TG: variants seen among roughly 807,000 people sequenced by gnomAD.
TG encodes the protein thyroglobulin.
Under a neutral mutation model 324.7 loss-of-function variants are expected in TG, and 270 were observed. That is an observed-to-expected ratio of 0.83 (90% confidence interval 0.75 to 0.92). The LOEUF is 0.92. TG is among the 40% of genes least tolerant of loss of function. The pLI is 0.00. For missense variants in TG, 3,591 were observed against 3,456.4 expected (o/e 1.04, Z -0.98); for synonymous variants, 1,401 against 1,327.0 (o/e 1.06, Z -1.21).
intron 43 of TG, among the ~76,000 whole-genome samples, chr8:133,104,873 C>T (rs1037534505): frequency 3.9e-5 from 6 of 152,192 alleles, no homozygotes; most frequent in African/African-American, 1.4e-4. Context: ...ATTCACAGAG[C>T]ACTTTGCTCA....
intron 35 of TG, chr8:133,002,525 G>A: frequency 1.0e-5 from 7 of 672,198 alleles, no homozygotes; most frequent in Non-Finnish European, 1.3e-5. Context: ...TATTTCTTTG[G>A]GGGAGAGGAC....
At chr8:133,133,188 T>TC (rs1316698697) in intron 46 of TG, among the ~76,000 whole-genome samples, 4 of 152,168 alleles carry the variant, frequency 2.6e-5, no homozygotes, top group African/African-American at 9.7e-5. Flanking sequence ...TCCTGACCAT[T>TC]CACAAAGACA....
chr8:132,961,092 G>A lies in TG; in HGVS notation c.5467+19G>A. 2 of 1,613,744 alleles carry A rather than the reference G, an allele frequency of 1.2e-6. No individual in the cohort carries two copies. Among genetic ancestry groups the A allele is most frequent in the Non-Finnish European group, 1.7e-6 (2 of 1,179,682 alleles). On this transcript the variant is annotated intron_variant, in intron 28 of 47. Transcript: ENST00000220616. ...TGGAAAGGTGAGCTCCGTGGTGGAA[G>A]AGGGGGTTAGCAGGACGCTGATTAC... is the stretch of plus-strand genomic sequence containing the variant.
chr8:133,101,605 G>T (rs1348040082), intron 43 of TG, among the ~76,000 whole-genome samples: 1 of 152,168 alleles, frequency 6.6e-6, no homozygotes, highest in African/African-American at 2.4e-5. Context: ...CACCTAAACA[G>T]GGTGTCCAGC....
chr8:133,088,240 G>T (rs1846922843), intron 41 of TG, among the ~76,000 whole-genome samples: 1 of 150,810 alleles, frequency 6.6e-6, no homozygotes, highest in Non-Finnish European at 1.5e-5. Flanking sequence ...TGATGGAGGA[G>T]CCAGGCTCCC....
At chr8:132,928,344 G>A (rs937686747) in intron 22 of TG, among the ~76,000 whole-genome samples, 2 of 152,304 alleles carry the variant, frequency 1.3e-5, no homozygotes, top group South Asian at 2.1e-4. Context: ...ACAGTTACCC[G>A]TAAGACTGCA....
rs1437201582 is a variant in TG at position 133,096,211 on chromosome 8, G to C, written c.7410G>C (p.Leu2470=). ...NVLNDAQTKL[L]AVSGPFHYWG... Reference sequence around the variant, plus strand: ...TATTGTTGCATCCAATGCAGCTCCTGGCCGTGAGTGGCCCTTTCCACTACT... The same window carrying C: ...TATTGTTGCATCCAATGCAGCTCCTCGCCGTGAGTGGCCCTTTCCACTACT... The change falls in exon 43 of 48, where the codon CTG becomes CTC. Residue 2470 remains leucine, a synonymous_variant. Coordinates refer to ENST00000220616, the MANE Select transcript of TG (RefSeq NM_003235.5). 6.2e-7 allele frequency: 1 copy of C among 1,614,224 alleles called. No homozygotes were observed. Among genetic ancestry groups the C allele is most frequent in the Non-Finnish European group, 8.5e-7 (1 of 1,180,044 alleles).
chr8:132,982,500 T>A (rs1018792795), intron 34 of TG, among the ~76,000 whole-genome samples: 5 of 152,250 alleles, frequency 3.3e-5, no homozygotes, highest in Non-Finnish European at 7.3e-5. Context: ...ATCTTCGTTT[T>A]ATCAATGCTG....
intron 15 of TG, among the ~76,000 whole-genome samples, chr8:132,900,948 A>G (rs1413026649): frequency 6.6e-6 from 1 of 152,094 alleles, no homozygotes; most frequent in African/African-American, 2.4e-5. Flanking sequence ...CACCTGCAAT[A>G]TGTCCGTCTA....
intron 20 of TG, among the ~76,000 whole-genome samples, chr8:132,915,704 A>G (rs1041424892): frequency 2.0e-5 from 3 of 152,234 alleles, no homozygotes; most frequent in Non-Finnish European, 2.9e-5. Flanking sequence ...GGGGAGAAAC[A>G]TATGGCTGTG....
At chr8:132,868,728 G>A (rs573037675) in intron 2 of TG, among the ~76,000 whole-genome samples, 21 of 152,270 alleles carry the variant, frequency 1.4e-4, no homozygotes, top group Non-Finnish European at 2.5e-4. Context: ...TCTCCACATT[G>A]AGCTGCTCTC....
At chr8:133,038,678 CT>C in intron 41 of TG, 1 of 1,614,054 alleles carries the variant, frequency 6.2e-7, no homozygotes, top group Non-Finnish European at 8.5e-7. Context: ...AAGGCCATAG[CT>C]GAAAAGGGAC....
At chr8:132,900,386 G>C in intron 15 of TG, 47 bp downstream of exon 15, 2 of 1,547,374 alleles carry the variant, frequency 1.3e-6, no homozygotes, top group Non-Finnish European at 1.8e-6. Flanking sequence ...CTTCTGTGGG[G>C]CACTGAGCGT....
intron 41 of TG, among the ~76,000 whole-genome samples, chr8:133,053,589 A>G (rs1022202274): frequency 6.6e-6 from 1 of 152,198 alleles, no homozygotes; most frequent in East Asian, 1.9e-4. Context: ...CTCTGTGACA[A>G]TAATAGAACC....
chr8:133,118,956 T>C lies in TG; in HGVS notation c.7862+2240T>C, dbSNP rs188599065. On this transcript the variant is annotated intron_variant, in intron 45 of 47. Coordinates refer to ENST00000220616, the MANE Select transcript of TG (RefSeq NM_003235.5). ...ATGAGAGCCAGAGGGAGAAGTGCTG[T>C]CTACAGAAGAGAGAAGGCAATGTGA... Among the ~76,000 whole-genome samples the C allele has an allele frequency of 3.6e-4, 55 of 152,230 alleles. No homozygotes were observed. The East Asian group carries it at 9.8e-3, about 27-fold the overall frequency.
chr8:132,982,542 T>A (rs1405906620), intron 34 of TG, among the ~76,000 whole-genome samples: 2 of 152,252 alleles, frequency 1.3e-5, no homozygotes, highest in Admixed American at 1.3e-4. Flanking sequence ...AGAGGACTTG[T>A]TACTCTACGC....
At chr8:132,929,362 T>G (rs1822353142) in intron 23 of TG, among the ~76,000 whole-genome samples, 170 bp downstream of exon 23, 1 of 152,234 alleles carries the variant, frequency 6.6e-6, no homozygotes, top group Non-Finnish European at 1.5e-5. Flanking sequence ...ATTCATAACT[T>G]AATTGCAGAG....
chr8:133,096,420 A>G lies in TG; in HGVS notation c.7572+47A>G, dbSNP rs184178860. 230 of 1,610,070 alleles carry G rather than the reference A, an allele frequency of 1.4e-4. 1 individual carries two copies. In the East Asian group the frequency reaches 4.3e-3, roughly 30 times the overall value. On this transcript the variant is annotated intron_variant, in intron 43 of 47. Transcript: ENST00000220616. ...GATGTCTCCAGCTGGGCATTTCCTAAGGGCTCTGGACCTCAATGTCTGACT... is the reference window on the plus strand; with the variant it reads ...GATGTCTCCAGCTGGGCATTTCCTAGGGGCTCTGGACCTCAATGTCTGACT...
intron 34 of TG, among the ~76,000 whole-genome samples, chr8:132,977,712 G>C (rs1830342730): frequency 6.6e-6 from 1 of 152,094 alleles, no homozygotes; most frequent in African/African-American, 2.4e-5. Context: ...AATAGCACGG[G>C]AAAGACCCAC....
Sources: allele counts gnomAD v4.1 joint callset (sites outside exome capture counted in the v4.1 genomes callset), GRCh38; gene constraint gnomAD v4.1.1; transcripts MANE v1.5; gene names NCBI Gene and HGNC (gene_info 2026-07-23, HGNC 2026-07-21).